The following EXOC1 variants were observed in gnomAD, a reference collection of about 807,000 sequenced individuals.
EXOC1 encodes SEC3-like 1.
EXOC1 carries 67 observed loss-of-function variants against 107.7 expected under a neutral mutation model. The ratio of observed to expected loss-of-function variants is 0.62; its 90% confidence interval spans 0.51 to 0.76. EXOC1 has a LOEUF of 0.76. Ranked by LOEUF, EXOC1 falls within the 30% of genes least tolerant of loss-of-function variation. EXOC1 has a pLI of 0.00. For missense variants in EXOC1, 833 were observed against 1,055.7 expected (o/e 0.79, Z 2.92); for synonymous variants, 348 against 353.5 (o/e 0.98, Z 0.17).
chr4:55,899,774 T>C lies in EXOC1; in HGVS notation c.2227T>C (p.Leu743=), dbSNP rs1437069403. 22 of 1,613,754 alleles carry C rather than the reference T, an allele frequency of 1.4e-5. No homozygotes were observed. The highest frequency in any genetic ancestry group is 2.2e-5 in the East Asian group (1 of 44,814). ...CCATATTTTTGCAACTCTTTCTCGA[T>C]TGAAAATCTCATGTCTAGAAGCAGA... ...FHHIFATLSR[L]KISCLEAEKK... Residue 743 remains leucine, a synonymous_variant, in exon 17 of 19, where the codon TTG becomes CTG. Coordinates refer to ENST00000381295, the MANE Select transcript of EXOC1 (RefSeq NM_001024924.2).
At position 55,858,538 on chromosome 4, in the gene EXOC1, T is replaced by C. The variant is rs375912854; in HGVS notation, c.124+91T>C. ...TTGTTTTGAATATCCTCATTGTCTC[T>C]GTAATTGGAAAAATTGTTGGGTCAA... is the stretch of plus-strand genomic sequence containing the variant. On this transcript the variant is annotated intron_variant, in intron 2 of 18. Coordinates refer to ENST00000381295, the MANE Select transcript of EXOC1 (RefSeq NM_001024924.2). The C allele has an allele frequency of 8.0e-6, 11 of 1,376,070 alleles. No individual in the cohort carries two copies. In the African/African-American group the frequency reaches 1.6e-4, roughly 20 times the overall value. The allele number at this position is 1,376,070 out of a possible 1,614,324, so 85.2% of individuals were successfully genotyped here.
At chr4:55,867,302 A>G (rs1475027760) in intron 4 of EXOC1, among the ~76,000 whole-genome samples, 2 of 152,192 alleles carry the variant, frequency 1.3e-5, no homozygotes, top group East Asian at 3.8e-4. Context: ...TGCCTGTACC[A>G]AAAGTTTTAG....
At chr4:55,887,680 C>T (rs1006209014) in intron 10 of EXOC1, among the ~76,000 whole-genome samples, 3 of 151,334 alleles carry the variant, frequency 2.0e-5, no homozygotes, top group South Asian at 2.1e-4. Flanking sequence ...TCACTTGAGC[C>T]CAGGAGTTCA....
At position 55,868,620 on chromosome 4, in the gene EXOC1, A is replaced by G. The variant is rs577020957; in HGVS notation, c.603+97A>G. The G allele has an allele frequency of 1.0e-5, 11 of 1,078,546 alleles. No homozygotes were observed. In the Admixed American group the frequency reaches 2.8e-4, roughly 27 times the overall value. 66.8% of individuals were successfully genotyped at this position (1,078,546 alleles called of 1,614,324 possible). On this transcript the variant is annotated intron_variant, in intron 5 of 18. Coordinates refer to ENST00000381295, the MANE Select transcript of EXOC1 (RefSeq NM_001024924.2). ...ACTACCTCAGCACTTAAGCCTTTATAGTGTGTTATTGCCATCTTTATCTAT... is the reference window on the plus strand; with the variant it reads ...ACTACCTCAGCACTTAAGCCTTTATGGTGTGTTATTGCCATCTTTATCTAT...
intron 15 of EXOC1, among the ~76,000 whole-genome samples, chr4:55,895,302 A>G (rs992692621): frequency 6.6e-6 from 1 of 152,170 alleles, no homozygotes; most frequent in African/African-American, 2.4e-5. Context: ...CAGCCCCTCA[A>G]TAAGGTAGAT....
chr4:55,879,495 T>C (rs1301842704), intron 9 of EXOC1, among the ~76,000 whole-genome samples: 4 of 152,040 alleles, frequency 2.6e-5, no homozygotes, highest in Non-Finnish European at 5.9e-5. Flanking sequence ...CTGGAAGGGA[T>C]TGTGGACCAT....
rs996833839 is a variant in EXOC1 at position 55,899,600 on chromosome 4, G to T, written c.2138-85G>T. 9 of 1,232,942 alleles carry T rather than the reference G, an allele frequency of 7.3e-6. No individual in the cohort carries two copies. In the African/African-American group the frequency reaches 1.1e-4, roughly 15 times the overall value. The allele number at this position is 1,232,942 out of a possible 1,614,324, so 76.4% of individuals were successfully genotyped here. A position where few individuals can be genotyped will look rare whatever the true frequency, so the allele number is the denominator to read the frequency against. On this transcript the variant is annotated intron_variant, in intron 16 of 18. Coordinates refer to ENST00000381295, the MANE Select transcript of EXOC1 (RefSeq NM_001024924.2). ...GTGCTTAATTCTTAAACTTACAAAT[G>T]AAAAAAAATTAATAGTATAAATGTT...
At chr4:55,860,595 A>T (rs1015254637) in intron 3 of EXOC1, 54 bp downstream of exon 3, 2 of 1,598,502 alleles carry the variant, frequency 1.3e-6, no homozygotes, top group Non-Finnish European at 8.6e-7. Context: ...TTCATTTTAT[A>T]ACATGGTATT....
Position 55,870,729 on chromosome 4 carries a change from A to C in EXOC1, c.655A>C (p.Lys219Gln). Residue 219 changes from lysine (K) to glutamine (Q), a missense_variant, in exon 6 of 19, where the codon AAA becomes CAA. By Grantham distance (53) the Lys-to-Gln change is moderately conservative. Around this residue, in one of 2 missense-constraint regions of EXOC1, gnomAD observed 617 missense variants for 701.3 expected, o/e 0.88. Transcript: ENST00000381295. Reference sequence around the variant, plus strand: ...TGAAAAACAAGTCAACATCCTGATGAAATTGCTAGATGAGGCTCTAAAGGA... The same window carrying C: ...TGAAAAACAAGTCAACATCCTGATGCAATTGCTAGATGAGGCTCTAAAGGA... Reference protein sequence around the residue: ...ASEKQVNILMKLLDEALKEVD... With the variant: ...ASEKQVNILMQLLDEALKEVD... 1.1e-5 allele frequency: 17 copies of C among 1,613,932 alleles called. No individual in the cohort carries two copies. Among genetic ancestry groups the C allele is most frequent in the Non-Finnish European group, 1.4e-5 (17 of 1,179,900 alleles).
intron 16 of EXOC1, among the ~76,000 whole-genome samples, chr4:55,898,643 CTG>C (rs1457215107): frequency 6.6e-6 from 1 of 152,116 alleles, no homozygotes; most frequent in Non-Finnish European, 1.5e-5. Context: ...TTTAAATTCC[CTG>C]TCCCTCTCTT....
intron 1 of EXOC1, among the ~76,000 whole-genome samples, chr4:55,855,195 G>C (rs1391383297): frequency 1.3e-5 from 2 of 152,148 alleles, no homozygotes; most frequent in African/African-American, 4.8e-5. Context: ...AAATTATCTT[G>C]TTGTTCAGGG....
intron 8 of EXOC1, chr4:55,877,353 CT>C: frequency 2.0e-6 from 2 of 985,266 alleles, no homozygotes; most frequent in Non-Finnish European, 1.2e-6. Flanking sequence ...CTTGGTTTGC[CT>C]TTTGCTTGTT....
chr4:55,893,466 T>C, intron 14 of EXOC1, 86 bp from the exon 15 acceptor site: 1 of 1,161,648 alleles, frequency 8.6e-7, no homozygotes, highest in Admixed American at 2.3e-5. Context: ...TTTTGTCCTT[T>C]TGTATATACC....
In EXOC1 at chr4:55,884,971, A is replaced by G. The variant is rs112865985; in HGVS notation, c.1330+1043A>G. On this transcript the variant is annotated intron_variant, in intron 10 of 18. Transcript: ENST00000381295. ...AAATGGTTTGAATTTGTCTGTAAAT[A>G]TGCTACACTTTACAGATACTGATAA... is the stretch of plus-strand genomic sequence containing the variant. Among the ~76,000 whole-genome samples, 341 of 152,330 alleles carry G rather than the reference A, an allele frequency of 2.2e-3. 1 individual carries two copies. The highest frequency in any genetic ancestry group is 3.8e-3 in the Non-Finnish European group (256 of 68,020).
Position 55,860,416 on chromosome 4 carries a change from A to C in EXOC1, c.130A>C (p.Thr44Pro). The stretch of plus-strand genomic sequence containing the variant: ...GTGTGCGTTTTACTCAACAGTGACA[A>C]CTGAACGCCCTGTGCAGGTTAAGGT... Reference protein sequence around the residue: ...KNCFLCATVTTERPVQVKVVK... With the variant: ...KNCFLCATVTPERPVQVKVVK... The change falls in exon 3 of 19, where the codon ACT becomes CCT. Residue 44 changes from threonine (T) to proline (P), a missense_variant. Thr to Pro is a conservative substitution (Grantham distance 38). Transcript: ENST00000381295. 6.2e-7 allele frequency: 1 copy of C among 1,613,736 alleles called. No individual in the cohort carries two copies. The highest frequency in any genetic ancestry group is 8.5e-7 in the Non-Finnish European group (1 of 1,179,746).
At chr4:55,867,023 A>G (rs1722020779) in intron 4 of EXOC1, 5 of 328,858 alleles carry the variant, frequency 1.5e-5, no homozygotes, top group Non-Finnish European at 2.2e-5. Context: ...TAGTAATAAA[A>G]TTAATGATAG....
intron 18 of EXOC1, among the ~76,000 whole-genome samples, chr4:55,903,191 G>GAGAA (rs1217445682): frequency 6.8e-6 from 1 of 147,498 alleles, no homozygotes; most frequent in African/African-American, 2.5e-5. Flanking sequence ...AAGAAAGAAA[G>GAGAA]AGAAAGAAAG....
chr4:55,870,630 T>TTGTG, intron 5 of EXOC1, 48 bp from the exon 6 acceptor site: 1 of 1,395,298 alleles, frequency 7.2e-7, no homozygotes, highest in Non-Finnish European at 1.0e-6. Context: ...AGTATGTTTT[T>TTGTG]TGTTTGTTTG....
At chr4:55,871,352 C>G in intron 7 of EXOC1, 119 bp downstream of exon 7, 2 of 1,265,176 alleles carry the variant, frequency 1.6e-6, no homozygotes, top group Non-Finnish European at 2.1e-6. Flanking sequence ...ACATTATTAG[C>G]TATTCAAGTT....
Sources: allele counts gnomAD v4.1 joint callset (sites outside exome capture counted in the v4.1 genomes callset), GRCh38; gene constraint gnomAD v4.1.1; regional missense constraint gnomAD v4.1.1; transcripts MANE v1.5; gene names NCBI Gene and HGNC (gene_info 2026-07-23, HGNC 2026-07-21).